RHOJ: variants seen among roughly 807,000 people sequenced by gnomAD.
RHOJ encodes rho-related GTP-binding protein RhoJ.
Under a neutral mutation model 23.4 loss-of-function variants are expected in RHOJ, and 11 were observed. The observed-to-expected ratio is 0.47, with a 90% CI of 0.30 to 0.78. The LOEUF (loss-of-function observed/expected upper bound fraction) is 0.78, where lower values mean the gene tolerates loss of function less well. Among genes scored for constraint, RHOJ ranks in the 30% least tolerant of loss-of-function variants. RHOJ has a pLI of 0.08. For missense variants in RHOJ, 254 were observed against 273.4 expected (o/e 0.93, Z 0.50); for synonymous variants, 102 against 102.7 (o/e 0.99, Z 0.04).
chr14:63,237,173 G>A (rs1270876409), intron 1 of RHOJ, among the ~76,000 whole-genome samples: 1 of 152,102 alleles, frequency 6.6e-6, no homozygotes, highest in Admixed American at 6.6e-5. Flanking sequence ...AAAAGAAGAT[G>A]TTTCATGATA....
intron 1 of RHOJ, among the ~76,000 whole-genome samples, chr14:63,262,725 GCC>G (rs1222753218): frequency 6.6e-6 from 1 of 152,196 alleles, no homozygotes; most frequent in Non-Finnish European, 1.5e-5. Context: ...ACTTTATTCT[GCC>G]CCTGGTGCTG....
intron 1 of RHOJ, among the ~76,000 whole-genome samples, chr14:63,230,692 TACACACACACAC>T (rs58916971): frequency 3.6e-4 from 53 of 148,852 alleles, no homozygotes; most frequent in African/African-American, 1.1e-3. Flanking sequence ...CACACATATG[TACACACACACAC>T]ACACACACAC....
chr14:63,278,138 GT>G (rs35944554), intron 2 of RHOJ, among the ~76,000 whole-genome samples: 2 of 151,804 alleles, frequency 1.3e-5, no homozygotes, highest in African/African-American at 2.4e-5. Flanking sequence ...AATAGTGGGG[GT>G]TTTTTTTGTT....
intron 4 of RHOJ, among the ~76,000 whole-genome samples, chr14:63,285,065 AAGTTTCTC>A (rs1476666468): frequency 1.4e-3 from 211 of 152,332 alleles, no homozygotes; most frequent in African/African-American, 4.9e-3. Context: ...GAGATGCTTT[AAGTTTCTC>A]TACTCTCTGA....
chr14:63,256,939 G>T (rs1454585342), intron 1 of RHOJ, among the ~76,000 whole-genome samples: 2 of 151,968 alleles, frequency 1.3e-5, no homozygotes, highest in East Asian at 3.9e-4. Context: ...AGGCATGGTG[G>T]CATGCACCTG....
At chr14:63,283,294 A>G in intron 4 of RHOJ, 78 bp downstream of exon 4, 1 of 1,204,238 alleles carries the variant, frequency 8.3e-7, no homozygotes, top group Non-Finnish European at 1.2e-6. Context: ...TGGGTGTGCA[A>G]CACTGGGTTT....
intron 1 of RHOJ, among the ~76,000 whole-genome samples, chr14:63,224,877 T>A (rs1894560619): frequency 6.6e-6 from 1 of 152,140 alleles, no homozygotes; most frequent in Non-Finnish European, 1.5e-5. Context: ...TTGGAAGTGT[T>A]TGAGGTCAAT....
At chr14:63,219,890 A>G (rs1377469721) in intron 1 of RHOJ, among the ~76,000 whole-genome samples, 1 of 152,144 alleles carries the variant, frequency 6.6e-6, no homozygotes, top group East Asian at 1.9e-4. Context: ...ATGAAGGGGA[A>G]TGCGCATCTC....
intron 1 of RHOJ, among the ~76,000 whole-genome samples, chr14:63,250,454 G>T (rs146915774): frequency 2.0e-5 from 3 of 152,172 alleles, no homozygotes; most frequent in Admixed American, 6.5e-5. Flanking sequence ...GCCCAAGCTG[G>T]TCTCAAACTC....
At chr14:63,288,213 C>A (rs886630538) in intron 4 of RHOJ, 1 of 985,292 alleles carries the variant, frequency 1.0e-6, no homozygotes, top group African/African-American at 1.7e-5. Context: ...AAGAGACAAG[C>A]TTGGGCTCCT....
intron 1 of RHOJ, among the ~76,000 whole-genome samples, chr14:63,259,777 G>C (rs1161705618): frequency 6.6e-6 from 1 of 151,960 alleles, no homozygotes. Flanking sequence ...TAAAAAATAA[G>C]GTTACGTTAT....
At chr14:63,230,624 C>G (rs1366571357) in intron 1 of RHOJ, among the ~76,000 whole-genome samples, 1 of 151,812 alleles carries the variant, frequency 6.6e-6, no homozygotes, top group East Asian at 1.9e-4. Flanking sequence ...AAACGAGCTA[C>G]TCTCCACTCA....
intron 2 of RHOJ, among the ~76,000 whole-genome samples, chr14:63,274,090 C>T (rs767505279): frequency 3.3e-5 from 5 of 152,168 alleles, no homozygotes; most frequent in South Asian, 2.1e-4. Flanking sequence ...TAAGGAAGCA[C>T]GCAACCAAGC....
chr14:63,211,089 G>A (rs1218420101), intron 1 of RHOJ, among the ~76,000 whole-genome samples: 5 of 152,170 alleles, frequency 3.3e-5, no homozygotes, highest in Non-Finnish European at 5.9e-5. Context: ...CTGAAAGTCA[G>A]TTCTAACTTT....
intron 3 of RHOJ, 27 bp from the exon 4 acceptor site, chr14:63,283,094 A>G (rs1316099298): frequency 1.0e-5 from 16 of 1,549,258 alleles, no homozygotes; most frequent in Non-Finnish European, 1.3e-5. Context: ...GAAAACAAAT[A>G]AGTTTTCACG....
At position 63,234,295 on chromosome 14, in the gene RHOJ, T is replaced by A. The variant is rs1894748596; in HGVS notation, c.178+29248T>A. Among the ~76,000 whole-genome samples, 7 of 152,240 alleles carry A rather than the reference T, an allele frequency of 4.6e-5. 2 individuals carry two copies. In the South Asian group the frequency reaches 1.4e-3, roughly 32 times the overall value. ...ATCTGCGCCTTTATTACAGCAGGGC[T>A]CACACTGATAGAACTTTGTACATCT... is the stretch of plus-strand genomic sequence containing the variant. On this transcript the variant is annotated intron_variant, in intron 1 of 4. Transcript: ENST00000316754.
intron 1 of RHOJ, 103 bp downstream of exon 1, chr14:63,205,150 C>CGG (rs1388999585): frequency 1.7e-5 from 22 of 1,266,700 alleles, no homozygotes; most frequent in Non-Finnish European, 2.4e-5. Flanking sequence ...GTATTGGGTG[C>CGG]GGGCCTGGCA....
chr14:63,204,980 G>C lies in RHOJ; in HGVS notation c.111G>C (p.Leu37=). The part of the protein sequence containing the change: ...VGDGAVGKTC[L]LMSYANDAFP... ...ACGGTGCCGTGGGGAAAACCTGCCT[G>C]CTGATGAGCTACGCCAACGACGCCT... The change falls in exon 1 of 5, where the codon CTG becomes CTC. Residue 37 remains leucine (L), a synonymous_variant. Transcript: ENST00000316754. 1 of 1,614,234 alleles carries C rather than the reference G, an allele frequency of 6.2e-7. No homozygotes were observed. Among genetic ancestry groups the C allele is most frequent in the Admixed American group, 1.7e-5 (1 of 60,030 alleles).
At chr14:63,235,933 T>G (rs538330002) in intron 1 of RHOJ, among the ~76,000 whole-genome samples, 1 of 152,334 alleles carries the variant, frequency 6.6e-6, no homozygotes, top group Non-Finnish European at 1.5e-5. Flanking sequence ...TAATAAATGC[T>G]TTTTTGCTTG....
Sources: allele counts gnomAD v4.1 joint callset (sites outside exome capture counted in the v4.1 genomes callset), GRCh38; gene constraint gnomAD v4.1.1; transcripts MANE v1.5; gene names NCBI Gene and HGNC (gene_info 2026-07-23, HGNC 2026-07-21).